Variants in CSMD1 observed in about 807,000 individuals in gnomAD.
The protein encoded by CSMD1 is CUB and sushi domain-containing protein 1.
A neutral mutation model predicts 417.5 loss-of-function variants in CSMD1; 213 were observed. That is an observed-to-expected ratio of 0.51 (90% CI 0.46 to 0.57). CSMD1 has a LOEUF of 0.57. CSMD1 is among the 20% of genes least tolerant of loss of function. CSMD1 has a pLI of 0.00. For missense variants in CSMD1, 6,923 were observed against 4,529.7 expected (o/e 1.53, Z -15.17); for synonymous variants, 2,862 against 1,736.8 (o/e 1.65, Z -16.11).
At chr8:4,746,466 C>A (rs566844604) in intron 1 of CSMD1, among the ~76,000 whole-genome samples, 9 of 152,288 alleles carry the variant, frequency 5.9e-5, no homozygotes, top group African/African-American at 1.9e-4. Flanking sequence ...TATCAGGCTC[C>A]CTCAAGAATG....
chr8:3,815,626 CTTT>C lies in CSMD1; in HGVS notation c.819-61587_819-61585del, dbSNP rs5888995. ...AAAATGTCTATCACTGCTAGACTTT[CTTT>C]TTTTTTTTTTTTAACAAATAAACAA... On this transcript the variant is annotated intron_variant, in intron 5 of 69. Transcript: ENST00000635120. 7.7e-3 allele frequency among the ~76,000 whole-genome samples: 1,129 copies of C among 146,306 alleles called. 7 individuals are homozygous for C. The highest frequency in any genetic ancestry group is 0.01 in the Non-Finnish European group (670 of 66,594).
chr8:4,809,350 T>C (rs1382245309), intron 1 of CSMD1, among the ~76,000 whole-genome samples: 1 of 152,204 alleles, frequency 6.6e-6, no homozygotes, highest in Non-Finnish European at 1.5e-5. Flanking sequence ...CACCATGGGA[T>C]GAAACAACTG....
intron 6 of CSMD1, among the ~76,000 whole-genome samples, chr8:3,732,777 G>A (rs565669481): frequency 3.3e-5 from 5 of 152,194 alleles, no homozygotes; most frequent in Non-Finnish European, 4.4e-5. Context: ...AAGCTGAAAC[G>A]TCCATCCCAC....
intron 1 of CSMD1, among the ~76,000 whole-genome samples, chr8:4,921,652 C>A (rs995151888): frequency 6.6e-6 from 1 of 152,118 alleles, no homozygotes; most frequent in Non-Finnish European, 1.5e-5. Flanking sequence ...GTGTGAATTA[C>A]CCACAGAAGT....
chr8:3,899,362 C>CCTG (rs557600390), intron 5 of CSMD1, among the ~76,000 whole-genome samples: 189 of 152,260 alleles, frequency 1.2e-3, no homozygotes, highest in African/African-American at 4.4e-3. Flanking sequence ...GATTCTCCGC[C>CCTG]CTGGCACAAA....
intron 3 of CSMD1, among the ~76,000 whole-genome samples, chr8:4,274,077 T>A (rs1210819378): frequency 6.6e-6 from 1 of 152,204 alleles, no homozygotes; most frequent in Non-Finnish European, 1.5e-5. Flanking sequence ...TATTGTAATA[T>A]ATAACTCATT....
In CSMD1 at chr8:4,168,308, C is replaced by T. The variant is rs147988170; in HGVS notation, c.416-136209G>A. ...ACACAGGAGGCTGAGGCAGAAAGGG[C>T]TCCCTTGAGACCAAAAGGTCAAGGC... On this transcript the variant is annotated intron_variant, in intron 3 of 69. Coordinates refer to ENST00000635120, the MANE Select transcript of CSMD1 (RefSeq NM_033225.6). 2.0e-4 allele frequency among the ~76,000 whole-genome samples: 31 copies of T among 151,962 alleles called. No individual in the cohort carries two copies. The East Asian group carries it at 6.0e-3, about 29-fold the overall frequency.
At position 3,799,331 on chromosome 8, in the gene CSMD1, T is replaced by C. The variant is rs1178956690; in HGVS notation, c.819-45289A>G. On this transcript the variant is annotated intron_variant, in intron 5 of 69. Coordinates refer to ENST00000635120, the MANE Select transcript of CSMD1 (RefSeq NM_033225.6). ...TTACATATGTACACATGTGCCATGCTGGTGTGCTGCACCCATTAACTCGTC... is the reference window on the plus strand; with the variant it reads ...TTACATATGTACACATGTGCCATGCCGGTGTGCTGCACCCATTAACTCGTC... 2.6e-5 allele frequency among the ~76,000 whole-genome samples: 4 copies of C among 151,600 alleles called. No homozygotes were observed. In the East Asian group the frequency reaches 5.9e-4, roughly 22 times the overall value.
rs973542584 is a variant in CSMD1 at position 3,879,199 on chromosome 8, C to A, written c.818+118704G>T. On this transcript the variant is annotated intron_variant, in intron 5 of 69. Transcript: ENST00000635120. ...GTTTATTACAGCACACTTCTCTTTG[C>A]CTAGAAATATACAGGTATGTATTTA... is the stretch of plus-strand genomic sequence containing the variant. 4.6e-5 allele frequency among the ~76,000 whole-genome samples: 7 copies of A among 152,018 alleles called. No individual in the cohort carries two copies. In the South Asian group the frequency reaches 1.0e-3, roughly 23 times the overall value.
intron 10 of CSMD1, among the ~76,000 whole-genome samples, chr8:3,537,645 A>G (rs1470167461): frequency 6.6e-6 from 1 of 152,062 alleles, no homozygotes; most frequent in Non-Finnish European, 1.5e-5. Flanking sequence ...ATGTAGCATC[A>G]TTTATTTCAG....
chr8:4,667,952 C>G (rs923032862), intron 1 of CSMD1, among the ~76,000 whole-genome samples: 2 of 152,210 alleles, frequency 1.3e-5, no homozygotes, highest in Admixed American at 6.5e-5. Flanking sequence ...TGAAACAATT[C>G]TTTTACCTGC....
chr8:4,743,721 A>G (rs970989654), intron 1 of CSMD1, among the ~76,000 whole-genome samples: 1 of 152,150 alleles, frequency 6.6e-6, no homozygotes, highest in African/African-American at 2.4e-5. Context: ...TGTATAAAGG[A>G]GATTTTCTCT....
intron 1 of CSMD1, among the ~76,000 whole-genome samples, chr8:4,654,013 A>C (rs762286158): frequency 6.6e-6 from 1 of 152,150 alleles, no homozygotes; most frequent in Non-Finnish European, 1.5e-5. Context: ...GGTTGGTTGT[A>C]AACCTGAATT....
At chr8:4,031,262 C>T (rs1014998112) in intron 4 of CSMD1, among the ~76,000 whole-genome samples, 1 of 152,138 alleles carries the variant, frequency 6.6e-6, no homozygotes, top group African/African-American at 2.4e-5. Context: ...CATACCTGAG[C>T]CTGGGCAATT....
At chr8:4,200,329 G>C (rs1799573908) in intron 3 of CSMD1, among the ~76,000 whole-genome samples, 1 of 152,084 alleles carries the variant, frequency 6.6e-6, no homozygotes, top group African/African-American at 2.4e-5. Flanking sequence ...GATATGGTAT[G>C]CTGTGTTTAG....
At chr8:3,999,876 G>C (rs1174635383) in intron 4 of CSMD1, among the ~76,000 whole-genome samples, 1 of 152,052 alleles carries the variant, frequency 6.6e-6, no homozygotes, top group African/African-American at 2.4e-5. Context: ...TTGTGGAAAG[G>C]GCTGCCCATG....
At chr8:3,649,255 C>G (rs368010522) in intron 7 of CSMD1, among the ~76,000 whole-genome samples, 1 of 152,086 alleles carries the variant, frequency 6.6e-6, no homozygotes, top group African/African-American at 2.4e-5. Context: ...AACATAAAAC[C>G]AACCTGGAAC....
intron 23 of CSMD1, among the ~76,000 whole-genome samples, chr8:3,333,471 G>C (rs997287950): frequency 6.6e-5 from 10 of 152,290 alleles, no homozygotes; most frequent in African/African-American, 1.7e-4. Flanking sequence ...TCTCAGCTAG[G>C]TTAACAGCTA....
intron 2 of CSMD1, among the ~76,000 whole-genome samples, chr8:4,620,551 GCA>G (rs1801717854): frequency 6.6e-6 from 1 of 151,684 alleles, no homozygotes. Flanking sequence ...AATAAAAATT[GCA>G]CAGAGTATAT....
Sources: allele counts gnomAD v4.1 joint callset (sites outside exome capture counted in the v4.1 genomes callset), GRCh38; gene constraint gnomAD v4.1.1; transcripts MANE v1.5; gene names NCBI Gene and HGNC (gene_info 2026-07-23, HGNC 2026-07-21).